SEC23IP: variants seen among roughly 807,000 people sequenced by gnomAD.
The protein encoded by SEC23IP is SEC23 interacting protein, also known as SEC23-interacting protein.
Under a neutral mutation model 113.4 loss-of-function variants are expected in SEC23IP, and 70 were observed. The ratio of observed to expected loss-of-function variants is 0.62; its 90% CI spans 0.51 to 0.75. The LOEUF (loss-of-function observed/expected upper bound fraction) is 0.75, where lower values mean the gene tolerates loss of function less well. Among genes scored for constraint, SEC23IP ranks in the 30% least tolerant of loss-of-function variants. SEC23IP has a pLI of 0.00. For missense variants in SEC23IP, 1,160 were observed against 1,204.9 expected (o/e 0.96, Z 0.55); for synonymous variants, 398 against 421.0 (o/e 0.95, Z 0.67).
Position 119,924,082 on chromosome 10 carries a change from G to A in SEC23IP, c.2122-1954G>A, listed in dbSNP as rs539283026. On this transcript the variant is annotated intron_variant, in intron 12 of 18. Coordinates refer to ENST00000369075, the MANE Select transcript of SEC23IP (RefSeq NM_007190.4). Reference sequence around the variant, plus strand: ...TTAGGCTTAATTTTGTGTTGCCTCCGAAGGGCAGAGATAACCAAGCCTTCT... The same window carrying A: ...TTAGGCTTAATTTTGTGTTGCCTCCAAAGGGCAGAGATAACCAAGCCTTCT... 5.9e-5 allele frequency among the ~76,000 whole-genome samples: 9 copies of A among 152,296 alleles called. No homozygotes were observed. In the South Asian group the frequency reaches 1.4e-3, roughly 25 times the overall value.
At position 119,899,431 on chromosome 10, in the gene SEC23IP, G is replaced by A. The variant is rs141303659; in HGVS notation, c.696+472G>A. ...ATCTAGGGAGAGTTGGTGGAATAACGTATGCATTGGGTAAATTTCATGAAA... is the reference window on the plus strand; with the variant it reads ...ATCTAGGGAGAGTTGGTGGAATAACATATGCATTGGGTAAATTTCATGAAA... On this transcript the variant is annotated intron_variant, in intron 2 of 18. Transcript: ENST00000369075. Among the ~76,000 whole-genome samples, 293 of 152,230 alleles carry A rather than the reference G, an allele frequency of 1.9e-3. 1 individual carries two copies. Among genetic ancestry groups the A allele is most frequent in the African/African-American group, 6.7e-3 (279 of 41,528 alleles).
At chr10:119,893,614 G>T (rs1854173636) in intron 1 of SEC23IP, among the ~76,000 whole-genome samples, 2 of 149,362 alleles carry the variant, frequency 1.3e-5, no homozygotes, top group South Asian at 4.2e-4. Context: ...CCACCTTCCA[G>T]GTTCAAGTGA....
intron 18 of SEC23IP, among the ~76,000 whole-genome samples, chr10:119,938,145 A>C (rs1855856666): frequency 6.7e-6 from 1 of 149,732 alleles, no homozygotes. Flanking sequence ...AAAAAAAAAA[A>C]ATTTAAGTCA....
At chr10:119,929,171 TA>T (rs1272303979) in intron 13 of SEC23IP, among the ~76,000 whole-genome samples, 1 of 152,166 alleles carries the variant, frequency 6.6e-6, no homozygotes, top group East Asian at 1.9e-4. Flanking sequence ...TGCAAAACAA[TA>T]TGTAAAAGTA....
rs1855995686 is a variant in SEC23IP, at chr10:119,942,564, C to T, written c.*1999C>T. 1 of 152,254 alleles carries T rather than the reference C, an allele frequency of 6.6e-6. No homozygotes were observed. Among genetic ancestry groups the T allele is most frequent in the Non-Finnish European group, 1.5e-5 (1 of 68,020 alleles). 9.4% of individuals were successfully genotyped at this position (152,254 alleles called of 1,614,324 possible). The stretch of plus-strand genomic sequence containing the variant: ...GGAGCAGCTCATCCCCTGACAACCT[C>T]CCCTCCCAGCCCCTAATCTGGTTTA... On this transcript the variant is annotated 3_prime_UTR_variant, in exon 19 of 19. Coordinates refer to ENST00000369075, the MANE Select transcript of SEC23IP (RefSeq NM_007190.4).
At chr10:119,938,404 A>G (rs549293940) in intron 18 of SEC23IP, among the ~76,000 whole-genome samples, 20 of 152,094 alleles carry the variant, frequency 1.3e-4, no homozygotes, top group African/African-American at 3.9e-4. Flanking sequence ...CCTCTTTGCC[A>G]TCCCTTCTGC....
intron 6 of SEC23IP, among the ~76,000 whole-genome samples, chr10:119,913,614 C>T (rs1589833785): frequency 6.6e-6 from 1 of 151,876 alleles, no homozygotes; most frequent in East Asian, 2.0e-4. Flanking sequence ...GTCTCAGCCT[C>T]CCGAGTAGCT....
chr10:119,928,983 C>A (rs1450868779), intron 13 of SEC23IP, among the ~76,000 whole-genome samples: 1 of 152,134 alleles, frequency 6.6e-6, no homozygotes, highest in Non-Finnish European at 1.5e-5. Flanking sequence ...TTGTTATAAT[C>A]CCCATTTTAT....
intron 1 of SEC23IP, among the ~76,000 whole-genome samples, chr10:119,896,920 T>C (rs1003143491): frequency 6.6e-6 from 1 of 152,142 alleles, no homozygotes; most frequent in Non-Finnish European, 1.5e-5. Flanking sequence ...CACAAGGCCT[T>C]GTGCAGCAAG....
chr10:119,898,610 C>T lies in SEC23IP; in HGVS notation c.347C>T (p.Pro116Leu). The T allele has an allele frequency of 4.3e-6, 7 of 1,614,196 alleles. No individual in the cohort carries two copies. Among genetic ancestry groups the T allele is most frequent in the Non-Finnish European group, 5.9e-6 (7 of 1,180,036 alleles). The stretch of plus-strand genomic sequence containing the variant: ...GTTGGACAATCAGGATTCCCCAAGC[C>T]CCTGACTGCTCTCCCTTTTACAACT... ...TSVGQSGFPKPLTALPFTTGS... is the reference protein window; with the variant it reads ...TSVGQSGFPKLLTALPFTTGS... The change falls in exon 2 of 19, where the codon CCC becomes CTC. Residue 116 changes from proline (P) to leucine (L), a missense_variant. Pro to Leu is a moderately conservative substitution (Grantham distance 98). Transcript: ENST00000369075.
intron 5 of SEC23IP, among the ~76,000 whole-genome samples, chr10:119,910,833 C>T (rs774305945): frequency 6.6e-6 from 1 of 151,836 alleles, no homozygotes; most frequent in African/African-American, 2.4e-5. Flanking sequence ...AGGTGTGCGC[C>T]ACCTTGCCTG....
At chr10:119,919,117 C>G (rs1254483158) in intron 10 of SEC23IP, among the ~76,000 whole-genome samples, 3 of 151,842 alleles carry the variant, frequency 2.0e-5, no homozygotes, top group African/African-American at 7.3e-5. Context: ...CCTCAGCCTC[C>G]CGAGTAGTTG....
intron 12 of SEC23IP, 136 bp downstream of exon 12, chr10:119,921,120 T>G (rs959849019): frequency 3.6e-6 from 2 of 555,282 alleles, no homozygotes; most frequent in African/African-American, 3.8e-5. Flanking sequence ...ATGGAGCTGA[T>G]GGAAACCCAG....
chr10:119,922,039 G>C (rs557006771), intron 12 of SEC23IP, among the ~76,000 whole-genome samples: 6 of 152,168 alleles, frequency 3.9e-5, no homozygotes, highest in African/African-American at 1.4e-4. Context: ...CAATTCTTGG[G>C]AGCCGGAGAT....
At position 119,933,167 on chromosome 10, in the gene SEC23IP, GGTAA is replaced by G; in HGVS notation, c.2921+3_2921+6del. On this transcript the variant is annotated splice_donor_variant and splice_donor_region_variant and intron_variant, in intron 17 of 18. Coordinates refer to ENST00000369075, the MANE Select transcript of SEC23IP (RefSeq NM_007190.4). LOFTEE classifies it high-confidence loss of function. The stretch of plus-strand genomic sequence containing the variant: ...GCTCTTCAGAGTCACTTATGCTATT[GGTAA>G]GTGTTCTTAAATTTGGTAACATTTG... 1 of 1,612,104 alleles carries G rather than the reference GGTAA, an allele frequency of 6.2e-7. No homozygotes were observed. Among genetic ancestry groups the G allele is most frequent in the Non-Finnish European group, 8.5e-7 (1 of 1,178,970 alleles).
intron 1 of SEC23IP, 183 bp from the exon 2 acceptor site, chr10:119,898,243 GT>G: frequency 9.0e-7 from 1 of 1,112,948 alleles, no homozygotes; most frequent in Non-Finnish European, 1.2e-6. Context: ...ATGTTTTCTA[GT>G]TTTTCATTTC....
chr10:119,909,233 G>A lies in SEC23IP; in HGVS notation c.1191+103G>A, dbSNP rs898527848. ...TTTTAGTAACTTCTACAGTGGGAATGTTTTTGTAACAAGTGCATTGCTTTT... is the reference window on the plus strand; with the variant it reads ...TTTTAGTAACTTCTACAGTGGGAATATTTTTGTAACAAGTGCATTGCTTTT... On this transcript the variant is annotated intron_variant, in intron 5 of 18. Transcript: ENST00000369075. 1.6e-5 allele frequency: 11 copies of A among 696,150 alleles called. No homozygotes were observed. The African/African-American group carries it at 2.0e-4, about 13-fold the overall frequency. 43.1% of individuals were successfully genotyped at this position (696,150 alleles called of 1,614,324 possible).
chr10:119,927,134 G>A (rs1252260425), intron 13 of SEC23IP, among the ~76,000 whole-genome samples: 1 of 152,188 alleles, frequency 6.6e-6, no homozygotes, highest in Non-Finnish European at 1.5e-5. Context: ...CTGGCCTCAA[G>A]CAGTCTTCCT....
At position 119,929,688 on chromosome 10, in the gene SEC23IP, A is replaced by G. The variant is rs907375154; in HGVS notation, c.2395A>G (p.Ile799Val). 5 of 1,602,524 alleles carry G rather than the reference A, an allele frequency of 3.1e-6. No individual in the cohort carries two copies. Among genetic ancestry groups the G allele is most frequent in the Non-Finnish European group, 4.3e-6 (5 of 1,169,372 alleles). ...LGSPIAMFLTIRGVDRIDENY... is the reference protein window; with the variant it reads ...LGSPIAMFLTVRGVDRIDENY... Reference sequence around the variant, plus strand: ...GTCTCCAATTGCTATGTTTCTCACTATTCGAGGAGTTGATAGGATAGATGA... The same window carrying G: ...GTCTCCAATTGCTATGTTTCTCACTGTTCGAGGAGTTGATAGGATAGATGA... Residue 799 changes from isoleucine (I) to valine (V), a missense_variant, in exon 14 of 19, where the codon ATT (isoleucine) becomes GTT (valine). By Grantham distance (29) the Ile-to-Val change is conservative. Transcript: ENST00000369075.
Sources: gnomAD v4.1 joint callset for allele counts (sites outside exome capture counted in the v4.1 genomes callset) on GRCh38, gnomAD v4.1.1 for gene constraint, MANE v1.5 for transcripts, NCBI Gene and HGNC (gene_info 2026-07-23, HGNC 2026-07-21) for gene names.